The following OSTN variants were observed in gnomAD, a reference collection of about 807,000 sequenced individuals.
The protein encoded by OSTN is osteocrin.
Under a neutral mutation model 12.0 loss-of-function variants are expected in OSTN, and 9 were observed. The observed-to-expected ratio is 0.75, with a 90% CI of 0.45 to 1.30. The LOEUF is 1.30. OSTN is among the 50% of genes most tolerant of loss of function. OSTN has a pLI of 0.00. For synonymous variants in OSTN, 59 were observed against 56.9 expected, an observed-to-expected ratio of 1.04 and a Z score of -0.16; for missense variants, 148 against 152.3, an observed-to-expected ratio of 0.97 and a Z score of 0.15.
rs1339740599 is a variant in OSTN at position 191,263,420 on chromosome 3, C to T, written c.*567C>T. The T allele has an allele frequency of 6.6e-6, 1 of 152,196 alleles. No individual in the cohort carries two copies. Among genetic ancestry groups the T allele is most frequent in the African/African-American group, 2.4e-5 (1 of 41,440 alleles). 9.4% of individuals were successfully genotyped at this position (152,196 alleles called of 1,614,324 possible). ...AAAATAAAACACAGCCCCAATGAGC[C>T]TATTGACTTAGAATTAAGAAAGTGA... On this transcript the variant is annotated 3_prime_UTR_variant, in exon 5 of 5. Coordinates refer to ENST00000682035, the MANE Select transcript of OSTN (RefSeq NM_198184.2).
intron 4 of OSTN, among the ~76,000 whole-genome samples, chr3:191,251,118 A>G (rs570290292): frequency 1.3e-5 from 2 of 152,320 alleles, no homozygotes; most frequent in Admixed American, 6.5e-5. Flanking sequence ...ATAGTACCTG[A>G]GATGTTAATT....
Position 191,247,059 on chromosome 3 carries a change from G to T in OSTN, c.318-2978G>T, listed in dbSNP as rs1253397287. ...TGGAGATTATGAAGTGGACATCTCT[G>T]AGAAGTCATTATTCTGACTACCACG... On this transcript the variant is annotated intron_variant, in intron 3 of 4. Coordinates refer to ENST00000682035, the MANE Select transcript of OSTN (RefSeq NM_198184.2). Among the ~76,000 whole-genome samples the T allele has an allele frequency of 3.3e-5, 5 of 152,200 alleles. No individual in the cohort carries two copies. In the East Asian group the frequency reaches 9.6e-4, roughly 29 times the overall value.
In OSTN at chr3:191,215,003, C is replaced by T. The variant is rs114250922; in HGVS notation, c.102+2369C>T. Reference sequence around the variant, plus strand: ...CTCTAGTCTGGGCAACAGAGTGAGACTTTGTCTCAAAACAACACAACAAAA... The same window carrying T: ...CTCTAGTCTGGGCAACAGAGTGAGATTTTGTCTCAAAACAACACAACAAAA... On this transcript the variant is annotated intron_variant, in intron 2 of 4. Transcript: ENST00000682035. Among the ~76,000 whole-genome samples the T allele has an allele frequency of 7.5e-3, 1,147 of 152,234 alleles. 19 individuals carry two copies. Among genetic ancestry groups the T allele is most frequent in the African/African-American group, 0.026 (1,095 of 41,518 alleles).
chr3:191,223,953 C>T (rs1315984486), intron 3 of OSTN, among the ~76,000 whole-genome samples: 2 of 151,210 alleles, frequency 1.3e-5, no homozygotes, highest in East Asian at 1.9e-4. Context: ...TTAAAAATAA[C>T]AAGATTTAGG....
chr3:191,225,844 G>C (rs1714895748), intron 3 of OSTN, among the ~76,000 whole-genome samples: 1 of 151,964 alleles, frequency 6.6e-6, no homozygotes, highest in Non-Finnish European at 1.5e-5. Flanking sequence ...GGAAGAGAGA[G>C]GAGTTGATAA....
At chr3:191,228,839 CAA>C (rs1714978530) in intron 3 of OSTN, 1 of 152,104 alleles carries the variant, frequency 6.6e-6, no homozygotes, top group Non-Finnish European at 1.5e-5. Context: ...TCTCTTTATA[CAA>C]TTATTATGGC....
At chr3:191,207,179 A>T (rs909245936) in intron 1 of OSTN, among the ~76,000 whole-genome samples, 2 of 152,208 alleles carry the variant, frequency 1.3e-5, no homozygotes, top group African/African-American at 4.8e-5. Flanking sequence ...CCTTTATTTT[A>T]AATTTTTGTT....
At chr3:191,208,302 G>A (rs547130662) in intron 1 of OSTN, among the ~76,000 whole-genome samples, 1 of 152,170 alleles carries the variant, frequency 6.6e-6, no homozygotes, top group African/African-American at 2.4e-5. Flanking sequence ...AAATGGGGCT[G>A]AACTTAGACT....
At chr3:191,252,078 T>A (rs556829065) in intron 4 of OSTN, among the ~76,000 whole-genome samples, 1 of 152,338 alleles carries the variant, frequency 6.6e-6, no homozygotes, top group South Asian at 2.1e-4. Flanking sequence ...TTGGTTTTTT[T>A]GAGACGGAGT....
intron 4 of OSTN, among the ~76,000 whole-genome samples, chr3:191,255,404 T>G (rs1168410152): frequency 6.6e-6 from 1 of 152,234 alleles, no homozygotes; most frequent in Non-Finnish European, 1.5e-5. Context: ...ATCAGGCAAG[T>G]CTTTCCAAGA....
intron 4 of OSTN, among the ~76,000 whole-genome samples, chr3:191,251,202 A>G (rs1330539358): frequency 6.6e-6 from 1 of 152,248 alleles, no homozygotes; most frequent in Non-Finnish European, 1.5e-5. Context: ...TTACAGTGCC[A>G]CATAGAGTAT....
intron 3 of OSTN, among the ~76,000 whole-genome samples, 192 bp downstream of exon 3, chr3:191,219,153 C>T (rs959099958): frequency 1.3e-5 from 2 of 152,160 alleles, no homozygotes; most frequent in South Asian, 2.1e-4. Context: ...AAATGACTGC[C>T]GCAGTGTGCC....
chr3:191,212,945 A>C (rs1441162939), intron 2 of OSTN, among the ~76,000 whole-genome samples: 1 of 132,012 alleles, frequency 7.6e-6, no homozygotes, highest in African/African-American at 2.9e-5. Flanking sequence ...ATCTCAGCTC[A>C]CTGCAACTTC....
chr3:191,214,598 A>C (rs1377653260), intron 2 of OSTN, among the ~76,000 whole-genome samples: 1 of 150,976 alleles, frequency 6.6e-6, no homozygotes, highest in African/African-American at 2.5e-5. Context: ...CAGTTTGTAC[A>C]CCAGGCTACA....
At chr3:191,256,382 T>TA (rs1324860119) in intron 4 of OSTN, among the ~76,000 whole-genome samples, 1 of 152,102 alleles carries the variant, frequency 6.6e-6, no homozygotes, top group African/African-American at 2.4e-5. Context: ...GTAGTTGAGG[T>TA]AAAAAAGACT....
At chr3:191,262,295 T>C (rs538117793) in intron 4 of OSTN, among the ~76,000 whole-genome samples, 122 of 152,348 alleles carry the variant, frequency 8.0e-4, no homozygotes, top group African/African-American at 2.9e-3. Flanking sequence ...TCCACTAATG[T>C]GAGACACATG....
At chr3:191,243,694 T>A (rs1264938353) in intron 3 of OSTN, among the ~76,000 whole-genome samples, 4 of 152,128 alleles carry the variant, frequency 2.6e-5, no homozygotes, top group African/African-American at 4.8e-5. Flanking sequence ...TTGTTTTTTG[T>A]TTTGGTGAGA....
At chr3:191,254,435 C>T (rs1307679040) in intron 4 of OSTN, among the ~76,000 whole-genome samples, 2 of 152,174 alleles carry the variant, frequency 1.3e-5, no homozygotes, top group South Asian at 2.1e-4. Flanking sequence ...AATTGTCTAA[C>T]TTCAGTCTGC....
At chr3:191,207,953 A>G (rs987801124) in intron 1 of OSTN, among the ~76,000 whole-genome samples, 3 of 152,218 alleles carry the variant, frequency 2.0e-5, no homozygotes, top group Non-Finnish European at 4.4e-5. Context: ...ATGTTATACA[A>G]CATAAGACAT....
Sources: allele counts gnomAD v4.1 joint callset (sites outside exome capture counted in the v4.1 genomes callset), GRCh38; gene constraint gnomAD v4.1.1; transcripts MANE v1.5; gene names NCBI Gene and HGNC (gene_info 2026-07-23, HGNC 2026-07-21).